ETV6: variants seen among roughly 807,000 people sequenced by gnomAD.
The protein encoded by ETV6 is transcription factor ETV6.
A neutral mutation model predicts 51.1 loss-of-function variants in ETV6; 16 were observed. That is an observed-to-expected ratio of 0.31 (90% confidence interval 0.21 to 0.48). The LOEUF (loss-of-function observed/expected upper bound fraction) is 0.48. ETV6 is among the 20% of genes least tolerant of loss of function. The probability of loss-of-function intolerance (pLI) is 0.99; values close to 1 mark genes in which losing one functional copy is unlikely to be tolerated. For synonymous variants in ETV6, 240 were observed against 224.1 expected, an observed-to-expected ratio of 1.07 and a Z score of -0.64; for missense variants, 458 against 594.8, an observed-to-expected ratio of 0.77 and a Z score of 2.39.
chr12:11,752,285 G>A (rs150837818), intron 1 of ETV6, among the ~76,000 whole-genome samples, 165 bp from the exon 2 acceptor site: 1 of 152,286 alleles, frequency 6.6e-6, no homozygotes, highest in East Asian at 1.9e-4. Context: ...AAAGACAACT[G>A]TATACAGTGT....
intron 2 of ETV6, among the ~76,000 whole-genome samples, chr12:11,783,468 ACT>A (rs763839853): frequency 8.6e-5 from 13 of 151,864 alleles, no homozygotes; most frequent in Non-Finnish European, 1.5e-4. Context: ...ATTATAGATG[ACT>A]CTCTTACTGG....
intron 1 of ETV6, among the ~76,000 whole-genome samples, chr12:11,745,611 C>T (rs78245407): frequency 0.027 from 4,072 of 152,230 alleles, 66 homozygotes; most frequent in Middle Eastern, 0.037. Flanking sequence ...TGGACTGCGG[C>T]CACTGTGATT....
At chr12:11,886,614 A>G (rs1458823872) in intron 7 of ETV6, among the ~76,000 whole-genome samples, 1 of 152,210 alleles carries the variant, frequency 6.6e-6, no homozygotes, top group Non-Finnish European at 1.5e-5. Context: ...TGTATTTCTT[A>G]TAATGCATCG....
intron 2 of ETV6, among the ~76,000 whole-genome samples, chr12:11,780,612 A>T (rs1945400077): frequency 6.6e-6 from 1 of 152,202 alleles, no homozygotes; most frequent in African/African-American, 2.4e-5. Context: ...CTGCCAGTGG[A>T]CACATGAATT....
At chr12:11,714,636 C>T (rs1216390961) in intron 1 of ETV6, among the ~76,000 whole-genome samples, 1 of 116,860 alleles carries the variant, frequency 8.6e-6, no homozygotes, top group African/African-American at 3.3e-5. Context: ...GGTAAGTAAT[C>T]ATACCTTGAG....
intron 4 of ETV6, among the ~76,000 whole-genome samples, chr12:11,858,391 A>AAT (rs1555143182): frequency 0.11 from 8,240 of 73,586 alleles, 299 homozygotes; most frequent in Middle Eastern, 0.29. Context: ...TATCCCCTTA[A>AAT]ATATATATAT....
chr12:11,726,410 G>A (rs538628854), intron 1 of ETV6, among the ~76,000 whole-genome samples: 6 of 152,288 alleles, frequency 3.9e-5, no homozygotes, highest in Middle Eastern at 3.4e-3. Flanking sequence ...AGCTCATACA[G>A]TAGGTCGTAA....
At chr12:11,652,846 C>T (rs114514542) in intron 1 of ETV6, among the ~76,000 whole-genome samples, 30 of 152,216 alleles carry the variant, frequency 2.0e-4, no homozygotes, top group African/African-American at 7.2e-4. Context: ...GGTGGTCGCT[C>T]GCAATGAATG....
intron 1 of ETV6, among the ~76,000 whole-genome samples, chr12:11,664,846 C>T (rs528106314): frequency 6.6e-6 from 1 of 152,224 alleles, no homozygotes; most frequent in South Asian, 2.1e-4. Flanking sequence ...ATTTTGTCCC[C>T]ACCCCCAACA....
rs1351728451 is a variant in ETV6, at chr12:11,893,792, TTTTATATATATATATA to T, written c.*2748_*2763del. ...TTGTGTCCATCCCCAAGATCTCTCA[TTTTATATATATATATA>T]TATATATATATATATATATATATAT... On this transcript the variant is annotated 3_prime_UTR_variant, in exon 8 of 8. Transcript: ENST00000396373. 105 of 42,180 alleles carry T rather than the reference TTTTATATATATATATA, an allele frequency of 2.5e-3. 3 individuals are homozygous for T. Among genetic ancestry groups the T allele is most frequent in the East Asian group, 8.1e-3 (21 of 2,590 alleles). 2.6% of individuals were successfully genotyped at this position (42,180 alleles called of 1,614,324 possible). A position where few individuals can be genotyped will look rare whatever the true frequency, so the allele number is the denominator to read the frequency against.
At chr12:11,672,261 C>G (rs1353612253) in intron 1 of ETV6, among the ~76,000 whole-genome samples, 1 of 152,108 alleles carries the variant, frequency 6.6e-6, no homozygotes, top group Non-Finnish European at 1.5e-5. Flanking sequence ...CTCTGAGATC[C>G]TATTAAACAG....
intron 1 of ETV6, among the ~76,000 whole-genome samples, chr12:11,691,739 ACT>A (rs991962667): frequency 6.6e-5 from 10 of 152,116 alleles, no homozygotes; most frequent in African/African-American, 1.7e-4. Context: ...TTATTCATTC[ACT>A]CTCTCATTGA....
intron 4 of ETV6, among the ~76,000 whole-genome samples, chr12:11,858,404 A>ATT (rs869173678): frequency 1.3e-3 from 188 of 149,970 alleles, no homozygotes; most frequent in South Asian, 1.9e-3. Flanking sequence ...ATATATATAT[A>ATT]TTTTTTTTTA....
rs565863651 is a variant in ETV6 at position 11,679,752 on chromosome 12, A to T, written c.33+29592A>T. On this transcript the variant is annotated intron_variant, in intron 1 of 7. Coordinates refer to ENST00000396373, the MANE Select transcript of ETV6 (RefSeq NM_001987.5). ...TGATGATTTGTGTCTTTCATAGACC[A>T]TGTATCAGAGGTGGAGAAACAGCTT... 5.9e-5 allele frequency among the ~76,000 whole-genome samples: 9 copies of T among 152,322 alleles called. No individual in the cohort carries two copies. In the South Asian group the frequency reaches 1.0e-3, roughly 18 times the overall value.
chr12:11,774,147 G>C (rs1449789327), intron 2 of ETV6, among the ~76,000 whole-genome samples: 1 of 152,198 alleles, frequency 6.6e-6, no homozygotes, highest in East Asian at 1.9e-4. Flanking sequence ...AAGGAGAGGT[G>C]CTTATTTGTT....
chr12:11,830,120 A>C (rs959671669), intron 2 of ETV6, among the ~76,000 whole-genome samples: 1 of 152,132 alleles, frequency 6.6e-6, no homozygotes, highest in East Asian at 1.9e-4. Context: ...TTTCTTTTGA[A>C]GGGCAGAGTA....
chr12:11,856,259 C>G (rs905927810), intron 4 of ETV6, among the ~76,000 whole-genome samples: 9 of 152,154 alleles, frequency 5.9e-5, no homozygotes, highest in African/African-American at 1.9e-4. Context: ...AGCTTTCTCT[C>G]AAGTATTATG....
intron 2 of ETV6, among the ~76,000 whole-genome samples, chr12:11,780,878 C>T (rs1002308009): frequency 2.0e-5 from 3 of 152,174 alleles, no homozygotes; most frequent in Non-Finnish European, 4.4e-5. Flanking sequence ...CTTGTTCTTA[C>T]GTCCTGTGGA....
intron 2 of ETV6, among the ~76,000 whole-genome samples, chr12:11,824,063 C>T (rs1208650310): frequency 1.3e-5 from 2 of 152,208 alleles, no homozygotes; most frequent in Non-Finnish European, 2.9e-5. Flanking sequence ...AAGATTGGTG[C>T]TCTTCTTTAT....
Sources: gnomAD v4.1 joint callset for allele counts (sites outside exome capture counted in the v4.1 genomes callset) on GRCh38, gnomAD v4.1.1 for gene constraint, MANE v1.5 for transcripts, NCBI Gene and HGNC (gene_info 2026-07-23, HGNC 2026-07-21) for gene names.